JAZF1: variants seen among roughly 807,000 people sequenced by gnomAD.
JAZF1 encodes juxtaposed with another zinc finger protein 1.
A neutral mutation model predicts 26.4 loss-of-function variants in JAZF1; 8 were observed. That is an observed-to-expected ratio of 0.30 (90% CI 0.18 to 0.55). JAZF1 has a LOEUF of 0.55. JAZF1 is among the 20% of genes least tolerant of loss of function. The pLI is 0.94. For synonymous variants in JAZF1, 126 were observed against 122.3 expected (o/e 1.03, Z -0.20); for missense variants, 199 against 322.0 (o/e 0.62, Z 2.92).
chr7:27,953,740 C>T (rs57893266), intron 2 of JAZF1, among the ~76,000 whole-genome samples: 3,926 of 152,270 alleles, frequency 0.026, 155 homozygotes, highest in African/African-American at 0.089. Flanking sequence ...TATGTTTAAA[C>T]CCCTTGATGG....
intron 1 of JAZF1, among the ~76,000 whole-genome samples, chr7:28,173,950 G>C (rs576368860): frequency 1.1e-4 from 17 of 150,000 alleles, no homozygotes; most frequent in African/African-American, 3.2e-4. Flanking sequence ...ACAGCGAGGG[G>C]AAAATACAAT....
At chr7:28,035,448 A>C (rs1422940445) in intron 1 of JAZF1, among the ~76,000 whole-genome samples, 3 of 151,822 alleles carry the variant, frequency 2.0e-5, no homozygotes, top group Admixed American at 6.6e-5. Context: ...GAGAAACTTA[A>C]GAAATCTAAA....
intron 1 of JAZF1, among the ~76,000 whole-genome samples, chr7:28,032,448 A>G (rs1783208461): frequency 6.6e-6 from 1 of 152,216 alleles, no homozygotes; most frequent in Admixed American, 6.5e-5. Flanking sequence ...TTAAAGAGAA[A>G]AAAAATGGCT....
chr7:27,900,316 T>C (rs1784144958), intron 2 of JAZF1, among the ~76,000 whole-genome samples: 1 of 152,272 alleles, frequency 6.6e-6, no homozygotes, highest in Non-Finnish European at 1.5e-5. Context: ...AAGTGCTTTG[T>C]TAAAAACAAG....
chr7:28,001,539 A>T (rs920597915), intron 1 of JAZF1, among the ~76,000 whole-genome samples: 2 of 152,220 alleles, frequency 1.3e-5, no homozygotes, highest in African/African-American at 2.4e-5. Context: ...AACTAAATCT[A>T]CATTCAGAAA....
At chr7:27,930,592 A>T (rs551851397) in intron 2 of JAZF1, among the ~76,000 whole-genome samples, 8 of 152,324 alleles carry the variant, frequency 5.3e-5, no homozygotes, top group Non-Finnish European at 8.8e-5. Context: ...ACTTTTTGAT[A>T]GTTTTATTGG....
intron 1 of JAZF1, among the ~76,000 whole-genome samples, chr7:28,094,927 A>G (rs1784359794): frequency 6.6e-6 from 1 of 152,074 alleles, no homozygotes; most frequent in Admixed American, 6.5e-5. Context: ...AAACACACAG[A>G]AATACATGTG....
intron 3 of JAZF1, among the ~76,000 whole-genome samples, chr7:27,894,147 G>A (rs1417651574): frequency 6.6e-6 from 1 of 152,186 alleles, no homozygotes; most frequent in Admixed American, 6.5e-5. Flanking sequence ...TCCAACAGGT[G>A]TAAGCTCCTG....
At chr7:27,889,694 G>A (rs1033859678) in intron 3 of JAZF1, among the ~76,000 whole-genome samples, 17 of 152,202 alleles carry the variant, frequency 1.1e-4, no homozygotes, top group African/African-American at 3.9e-4. Context: ...CACCTTGGGA[G>A]GCTGAGGCAG....
intron 2 of JAZF1, among the ~76,000 whole-genome samples, chr7:27,979,249 G>A (rs1785531675): frequency 6.6e-6 from 1 of 150,956 alleles, no homozygotes; most frequent in African/African-American, 2.4e-5. Context: ...TATACTAAAT[G>A]CTATATATAT....
chr7:27,993,510 G>T (rs1235164134), intron 1 of JAZF1, among the ~76,000 whole-genome samples: 1 of 152,162 alleles, frequency 6.6e-6, no homozygotes, highest in Non-Finnish European at 1.5e-5. Flanking sequence ...ATGCTTCTGA[G>T]AGAAAGATAC....
At chr7:27,974,809 G>A (rs1785439892) in intron 2 of JAZF1, among the ~76,000 whole-genome samples, 1 of 151,936 alleles carries the variant, frequency 6.6e-6, no homozygotes, top group Non-Finnish European at 1.5e-5. Flanking sequence ...AAGAAAAGAG[G>A]TTTAACTGGC....
chr7:27,998,744 C>T (rs1786073266), intron 1 of JAZF1, among the ~76,000 whole-genome samples: 1 of 152,228 alleles, frequency 6.6e-6, no homozygotes, highest in Admixed American at 6.5e-5. Context: ...TTCATATTCA[C>T]ATTTGTAGCC....
At chr7:27,945,534 A>C (rs1032978718) in intron 2 of JAZF1, among the ~76,000 whole-genome samples, 1 of 152,154 alleles carries the variant, frequency 6.6e-6, no homozygotes, top group Non-Finnish European at 1.5e-5. Flanking sequence ...ACCCAGGTCA[A>C]GTTACACCTG....
At chr7:27,980,310 G>A (rs1212859585) in intron 2 of JAZF1, among the ~76,000 whole-genome samples, 3 of 152,092 alleles carry the variant, frequency 2.0e-5, no homozygotes, top group South Asian at 2.1e-4. Flanking sequence ...CAGATTGGAC[G>A]CAAAATCCAA....
intron 1 of JAZF1, among the ~76,000 whole-genome samples, chr7:27,993,880 C>T (rs1291733188): frequency 2.0e-5 from 3 of 151,984 alleles, no homozygotes; most frequent in South Asian, 2.1e-4. Context: ...AAAAGGGCAC[C>T]GTTAGGAGTC....
Position 27,945,496 on chromosome 7 carries a change from T to C in JAZF1, c.188+46413A>G, listed in dbSNP as rs116212098. On this transcript the variant is annotated intron_variant, in intron 2 of 4. Transcript: ENST00000283928. ...ATCTTTTCAGTTCTTCCTCCTCCCC[T>C]TCTCTCAAAGTTACTATCACTTCCC... Among the ~76,000 whole-genome samples, 1,005 of 152,326 alleles carry C rather than the reference T, an allele frequency of 6.6e-3. 17 individuals carry two copies. Among genetic ancestry groups the C allele is most frequent in the African/African-American group, 0.023 (956 of 41,574 alleles).
rs78019236 is a variant in JAZF1 at position 28,082,776 on chromosome 7, C to T, written c.116-90795G>A. The stretch of plus-strand genomic sequence containing the variant: ...TGCTGAACATCACCAAAGTCCACTT[C>T]CAATTCCACTCCCAGTGACTGCAAA... On this transcript the variant is annotated intron_variant, in intron 1 of 4. Coordinates refer to ENST00000283928, the MANE Select transcript of JAZF1 (RefSeq NM_175061.4). Among the ~76,000 whole-genome samples the T allele has an allele frequency of 5.9e-3, 903 of 152,308 alleles. 8 individuals carry two copies. The highest frequency in any genetic ancestry group is 0.037 in the Middle Eastern group (11 of 294).
intron 2 of JAZF1, among the ~76,000 whole-genome samples, chr7:27,959,847 C>T (rs1330321179): frequency 6.6e-6 from 1 of 151,646 alleles, no homozygotes; most frequent in Non-Finnish European, 1.5e-5. Flanking sequence ...TTGCAGTGAG[C>T]CGAGATCATG....
Sources: gnomAD v4.1 joint callset for allele counts (sites outside exome capture counted in the v4.1 genomes callset) on GRCh38, gnomAD v4.1.1 for gene constraint, MANE v1.5 for transcripts, NCBI Gene and HGNC (gene_info 2026-07-23, HGNC 2026-07-21) for gene names.